Variants in KIAA0586 observed in about 807,000 individuals in gnomAD.
The protein encoded by KIAA0586 is protein TALPID3.
KIAA0586 carries 144 observed loss-of-function variants against 169.8 expected under a neutral mutation model. The ratio of observed to expected loss-of-function variants is 0.85; its 90% CI spans 0.74 to 0.97. The LOEUF is 0.97. KIAA0586 is among the 50% of genes least tolerant of loss of function. KIAA0586 has a pLI of 0.00. For synonymous variants in KIAA0586, 625 were observed against 612.4 expected (o/e 1.02, Z -0.30); for missense variants, 1,854 against 1,823.0 (o/e 1.02, Z -0.31).
chr14:58,537,655 CT>C (rs956420971), intron 29 of KIAA0586, among the ~76,000 whole-genome samples: 1,507 of 148,550 alleles, frequency 0.01, 27 homozygotes, highest in African/African-American at 0.036. Flanking sequence ...AAGCACTTTT[CT>C]TTTTTTTTTG....
rs752832779 is a variant in KIAA0586 at position 58,457,744 on chromosome 14, T to G, written c.1363-15T>G. On this transcript the variant is annotated splice_polypyrimidine_tract_variant and intron_variant, in intron 10 of 30. Transcript: ENST00000652326. ...TTGTGAGTTTAGTAACTTTCTGGTC[T>G]TTTTTTCTTTTAAGCCAAAAGAATC... The G allele has an allele frequency of 1.3e-6, 2 of 1,541,726 alleles. No individual in the cohort carries two copies. Among genetic ancestry groups the G allele is most frequent in the African/African-American group, 2.8e-5 (2 of 72,456 alleles).
At chr14:58,428,549 T>A in intron 1 of KIAA0586, 86 bp downstream of exon 1, 2 of 1,008,874 alleles carry the variant, frequency 2.0e-6, no homozygotes, top group Non-Finnish European at 3.0e-6. Flanking sequence ...ACGTAAGATA[T>A]AAGTCTAGTT....
At chr14:58,536,999 T>C (rs2046328219) in intron 29 of KIAA0586, 2 of 1,279,550 alleles carry the variant, frequency 1.6e-6, no homozygotes, top group Non-Finnish European at 2.0e-6. Flanking sequence ...ATTATGTTTT[T>C]TTTTCAGTTT....
chr14:58,454,426 A>G (rs560221959), intron 9 of KIAA0586, among the ~76,000 whole-genome samples: 1 of 152,200 alleles, frequency 6.6e-6, no homozygotes, highest in Non-Finnish European at 1.5e-5. Context: ...TAAATCAGAT[A>G]GGAAAAGAAA....
intron 22 of KIAA0586, 106 bp from the exon 23 acceptor site, chr14:58,487,781 T>C (rs540160020): frequency 1.2e-5 from 8 of 651,484 alleles, no homozygotes; most frequent in Admixed American, 2.9e-5. Context: ...TGCCATTATT[T>C]GTGTGCTAAA....
At chr14:58,509,140 T>G (rs1258231871) in intron 28 of KIAA0586, among the ~76,000 whole-genome samples, 1 of 152,094 alleles carries the variant, frequency 6.6e-6, no homozygotes, top group Non-Finnish European at 1.5e-5. Flanking sequence ...AGATTGCTTG[T>G]GCCCGGGAGG....
At chr14:58,513,071 A>T (rs1024102488) in intron 29 of KIAA0586, among the ~76,000 whole-genome samples, 6 of 152,060 alleles carry the variant, frequency 3.9e-5, no homozygotes, top group Non-Finnish European at 1.5e-5. Context: ...TGTGATATGG[A>T]TGACCATATC....
At chr14:58,539,788 G>T in intron 29 of KIAA0586, 1 of 247,406 alleles carries the variant, frequency 4.0e-6, no homozygotes, top group Non-Finnish European at 7.7e-6. Flanking sequence ...TCCTTTATTT[G>T]ATACAAATTT....
chr14:58,457,751 CT>C lies in KIAA0586; in HGVS notation c.1363-4del. 6.4e-7 allele frequency: 1 copy of C among 1,560,600 alleles called. No individual in the cohort carries two copies. The highest frequency in any genetic ancestry group is 8.7e-7 in the Non-Finnish European group (1 of 1,154,316). ...TTTAGTAACTTTCTGGTCTTTTTTT[CT>C]TTTAAGCCAAAAGAATCTCTGAGTA... is the stretch of plus-strand genomic sequence containing the variant. On this transcript the variant is annotated splice_polypyrimidine_tract_variant and splice_region_variant and intron_variant, in intron 10 of 30. Coordinates refer to ENST00000652326, the MANE Select transcript of KIAA0586 (RefSeq NM_001329943.3).
At chr14:58,545,490 T>A (rs1393292947) in intron 30 of KIAA0586, among the ~76,000 whole-genome samples, 3 of 152,226 alleles carry the variant, frequency 2.0e-5, no homozygotes, top group African/African-American at 4.8e-5. Context: ...CTGTTGTTTT[T>A]GGCAGATGCA....
intron 28 of KIAA0586, among the ~76,000 whole-genome samples, 198 bp downstream of exon 28, chr14:58,508,907 A>C (rs1026914070): frequency 6.6e-6 from 1 of 152,132 alleles, no homozygotes; most frequent in Non-Finnish European, 1.5e-5. Flanking sequence ...AGCCTCTTTT[A>C]AGCCTTAATT....
At chr14:58,437,313 T>C (rs758703689) in intron 4 of KIAA0586, among the ~76,000 whole-genome samples, 7 of 152,176 alleles carry the variant, frequency 4.6e-5, no homozygotes, top group Non-Finnish European at 8.8e-5. Flanking sequence ...GTATTACTCA[T>C]TGAGAAAGGA....
chr14:58,508,854 A>G, intron 28 of KIAA0586, 145 bp downstream of exon 28: 1 of 652,402 alleles, frequency 1.5e-6, no homozygotes, highest in Non-Finnish European at 2.6e-6. Context: ...AAGTCTGAAT[A>G]TAAATCTAGT....
At chr14:58,531,355 A>T (rs1489001123) in intron 29 of KIAA0586, among the ~76,000 whole-genome samples, 1 of 151,400 alleles carries the variant, frequency 6.6e-6, no homozygotes, top group Non-Finnish European at 1.5e-5. Flanking sequence ...AATAAATAAA[A>T]AATAAAAAAA....
At chr14:58,484,882 A>ATATATATTTATATATATATATT in intron 21 of KIAA0586, among the ~76,000 whole-genome samples, 1 of 24,744 alleles carries the variant, frequency 4.0e-5, no homozygotes, top group African/African-American at 1.7e-4. Flanking sequence ...TATATATTAT[A>ATATATATTTATATATATATATT]TATATATTTA....
chr14:58,448,803 A>C (rs1303197875), intron 7 of KIAA0586, among the ~76,000 whole-genome samples: 1 of 152,126 alleles, frequency 6.6e-6, no homozygotes, highest in East Asian at 1.9e-4. Context: ...TATCAGAAGC[A>C]CTTATAAATT....
chr14:58,453,119 A>G (rs1415270392), intron 8 of KIAA0586, among the ~76,000 whole-genome samples: 1 of 149,108 alleles, frequency 6.7e-6, no homozygotes, highest in African/African-American at 2.5e-5. Flanking sequence ...GGGTTTCTCC[A>G]TGTTGGTCAG....
the KIAA0586 span, among the ~76,000 whole-genome samples, chr14:58,561,605 T>G: frequency 6.6e-6 from 1 of 152,236 alleles, no homozygotes; most frequent in Non-Finnish European, 1.5e-5. Context: ...TATTATTATT[T>G]TATTTAATTA....
rs780444812 is a variant in KIAA0586 at position 58,487,121 on chromosome 14, G to A, written c.3259G>A (p.Asp1087Asn). ...TCCAGATTCTTCTCCCTGTGATTCGGATCATGATATGGCTTTTCCTGTGAA... is the reference window on the plus strand; with the variant it reads ...TCCAGATTCTTCTCCCTGTGATTCGAATCATGATATGGCTTTTCCTGTGAA... ...KTPDSSPCDSDHDMAFPVKEI... is the reference protein window; with the variant it reads ...KTPDSSPCDSNHDMAFPVKEI... The change falls in exon 22 of 31, where the codon GAT becomes AAT. Residue 1087 changes from aspartate (D) to asparagine (N), a missense_variant. Coordinates refer to ENST00000652326, the MANE Select transcript of KIAA0586 (RefSeq NM_001329943.3). The A allele has an allele frequency of 5.3e-5, 86 of 1,613,606 alleles. No individual in the cohort carries two copies. The highest frequency in any genetic ancestry group is 7.1e-5 in the Non-Finnish European group (84 of 1,179,700).
Sources: allele counts gnomAD v4.1 joint callset (sites outside exome capture counted in the v4.1 genomes callset), GRCh38; gene constraint gnomAD v4.1.1; transcripts MANE v1.5; gene names NCBI Gene and HGNC (gene_info 2026-07-23, HGNC 2026-07-21).